The following PRKG1 variants were observed in gnomAD, a reference collection of about 807,000 sequenced individuals.
The protein encoded by PRKG1 is protein kinase cGMP-dependent 1.
A neutral mutation model predicts 88.1 loss-of-function variants in PRKG1; 35 were observed. The observed-to-expected ratio is 0.40, with a 90% CI of 0.30 to 0.53. The LOEUF is 0.53. Among genes scored for constraint, PRKG1 ranks in the 20% least tolerant of loss-of-function variants. The pLI is 0.59. For missense variants in PRKG1, 540 were observed against 839.8 expected (o/e 0.64, Z 4.41); for synonymous variants, 303 against 292.5 (o/e 1.04, Z -0.37).
rs10995866 is a variant in PRKG1 at position 51,156,548 on chromosome 10, G to A, written c.478+3218G>A. ...TCAGAGTCACAGCTTTTGCAATGATGTTGACTGCCTTCAGAGTCACAGCTT... is the reference window on the plus strand; with the variant it reads ...TCAGAGTCACAGCTTTTGCAATGATATTGACTGCCTTCAGAGTCACAGCTT... On this transcript the variant is annotated intron_variant, in intron 2 of 17. Coordinates refer to ENST00000373980, the MANE Select transcript of PRKG1 (RefSeq NM_006258.4). 8.3e-3 allele frequency among the ~76,000 whole-genome samples: 1,264 copies of A among 151,960 alleles called. 19 individuals carry two copies. The highest frequency in any genetic ancestry group is 0.03 in the African/African-American group (1,224 of 41,472).
intron 3 of PRKG1, among the ~76,000 whole-genome samples, chr10:51,470,156 A>C (rs1161684955): frequency 6.6e-6 from 1 of 151,738 alleles, no homozygotes; most frequent in Non-Finnish European, 1.5e-5. Context: ...TATAACTCCC[A>C]ATGCTGTCTT....
chr10:51,937,517 G>T (rs575303323), intron 5 of PRKG1, among the ~76,000 whole-genome samples: 2 of 151,904 alleles, frequency 1.3e-5, no homozygotes, highest in African/African-American at 4.8e-5. Context: ...AATTCTTTTC[G>T]TTCCAGTCTG....
intron 3 of PRKG1, among the ~76,000 whole-genome samples, chr10:51,609,457 A>G (rs1461618113): frequency 6.6e-6 from 1 of 152,210 alleles, no homozygotes; most frequent in Admixed American, 6.5e-5. Flanking sequence ...AGAACCAGAA[A>G]TACCATTTGA....
chr10:51,783,063 G>A (rs1172026752), intron 3 of PRKG1, among the ~76,000 whole-genome samples: 2 of 151,722 alleles, frequency 1.3e-5, no homozygotes, highest in African/African-American at 2.4e-5. Flanking sequence ...AAAACTCTTA[G>A]TATTAAAAAA....
intron 5 of PRKG1, among the ~76,000 whole-genome samples, chr10:51,946,445 C>T (rs7923011): frequency 0.064 from 9,714 of 152,074 alleles, 1,067 homozygotes; most frequent in African/African-American, 0.22. Flanking sequence ...CGCCTGAAGC[C>T]TTCTTCTCTC....
chr10:51,262,858 G>T (rs1417634695), intron 2 of PRKG1, among the ~76,000 whole-genome samples: 1 of 151,702 alleles, frequency 6.6e-6, no homozygotes, highest in African/African-American at 2.4e-5. Context: ...GGGCAATCTG[G>T]CCCCATGATC....
At chr10:51,831,404 G>T (rs1777017854) in intron 4 of PRKG1, among the ~76,000 whole-genome samples, 1 of 151,954 alleles carries the variant, frequency 6.6e-6, no homozygotes, top group Non-Finnish European at 1.5e-5. Flanking sequence ...TAACATTCTG[G>T]TCTATTTTAA....
At chr10:51,843,656 T>A (rs2132784637) in intron 4 of PRKG1, among the ~76,000 whole-genome samples, 1 of 152,332 alleles carries the variant, frequency 6.6e-6, no homozygotes, top group Middle Eastern at 3.4e-3. Context: ...AGCATGGTAT[T>A]GCCTGGCTTT....
intron 5 of PRKG1, among the ~76,000 whole-genome samples, chr10:51,933,975 A>G (rs895677849): frequency 3.3e-5 from 5 of 152,196 alleles, no homozygotes; most frequent in African/African-American, 1.2e-4. Context: ...TTTGTTATAA[A>G]GTACAAATAT....
chr10:52,245,225 G>A (rs1438719059), intron 9 of PRKG1, among the ~76,000 whole-genome samples: 2 of 151,736 alleles, frequency 1.3e-5, no homozygotes, highest in African/African-American at 4.8e-5. Flanking sequence ...TTTTCAAACT[G>A]TTTCTGTAGA....
chr10:51,393,851 G>C (rs1454950495), intron 2 of PRKG1, among the ~76,000 whole-genome samples: 1 of 152,096 alleles, frequency 6.6e-6, no homozygotes, highest in Non-Finnish European at 1.5e-5. Flanking sequence ...ATGATCTTGA[G>C]AGTCACACAA....
At chr10:51,663,982 T>C (rs1840363692) in intron 3 of PRKG1, among the ~76,000 whole-genome samples, 2 of 152,116 alleles carry the variant, frequency 1.3e-5, no homozygotes, top group African/African-American at 4.8e-5. Flanking sequence ...ATTTCTACTT[T>C]AAAAATTATT....
rs573515339 is a variant in PRKG1 at position 51,358,695 on chromosome 10, A to G, written c.479-109028A>G. ...AGAAGATAATCACCTGGGAGTCCAG[A>G]TGGAAGATTACTGGATGGGAGAGTT... On this transcript the variant is annotated intron_variant, in intron 2 of 17. Transcript: ENST00000373980. 3.3e-5 allele frequency among the ~76,000 whole-genome samples: 5 copies of G among 152,026 alleles called. No homozygotes were observed. In the East Asian group the frequency reaches 9.7e-4, roughly 30 times the overall value.
Position 51,552,797 on chromosome 10 carries a change from G to T in PRKG1, c.592+84961G>T, listed in dbSNP as rs191341087. ...CTTTGTCATGGTAGAAATTTTATCAGTTATTCACCATGAAGTTTCTTCTAC... is the reference window on the plus strand; with the variant it reads ...CTTTGTCATGGTAGAAATTTTATCATTTATTCACCATGAAGTTTCTTCTAC... On this transcript the variant is annotated intron_variant, in intron 3 of 17. Coordinates refer to ENST00000373980, the MANE Select transcript of PRKG1 (RefSeq NM_006258.4). Among the ~76,000 whole-genome samples, 570 of 151,638 alleles carry T rather than the reference G, an allele frequency of 3.8e-3. 4 individuals are homozygous for T. Among genetic ancestry groups the T allele is most frequent in the Non-Finnish European group, 2.8e-3 (186 of 67,626 alleles).
At chr10:51,229,243 C>G (rs1838772766) in intron 2 of PRKG1, among the ~76,000 whole-genome samples, 1 of 152,106 alleles carries the variant, frequency 6.6e-6, no homozygotes, top group South Asian at 2.1e-4. Context: ...AGCACCATAC[C>G]TGGCAGAGAG....
At chr10:51,769,819 T>C (rs1437114422) in intron 3 of PRKG1, among the ~76,000 whole-genome samples, 2 of 151,906 alleles carry the variant, frequency 1.3e-5, no homozygotes, top group Non-Finnish European at 2.9e-5. Context: ...ACACATAAAA[T>C]ACACAACACT....
intron 5 of PRKG1, among the ~76,000 whole-genome samples, chr10:51,939,178 T>C (rs866701131): frequency 1.3e-5 from 2 of 152,042 alleles, no homozygotes; most frequent in African/African-American, 4.8e-5. Flanking sequence ...CACACATTAA[T>C]TGCCAGAATT....
intron 5 of PRKG1, among the ~76,000 whole-genome samples, chr10:51,984,009 T>A (rs985923167): frequency 6.6e-6 from 1 of 152,170 alleles, no homozygotes; most frequent in African/African-American, 2.4e-5. Context: ...ATATATGTAG[T>A]TCTGGAGAAA....
chr10:52,166,916 C>CACACATATAT (rs1270668081), intron 9 of PRKG1, among the ~76,000 whole-genome samples: 2 of 127,884 alleles, frequency 1.6e-5, no homozygotes, highest in Admixed American at 7.7e-5. Flanking sequence ...CACACACACA[C>CACACATATAT]ATATATATAA....
Sources: gnomAD v4.1 joint callset for allele counts (sites outside exome capture counted in the v4.1 genomes callset) on GRCh38, gnomAD v4.1.1 for gene constraint, MANE v1.5 for transcripts, NCBI Gene and HGNC (gene_info 2026-07-23, HGNC 2026-07-21) for gene names.